DOK7: variants seen among roughly 807,000 people sequenced by gnomAD.
DOK7 encodes the protein protein Dok-7.
A neutral mutation model predicts 30.7 loss-of-function variants in DOK7; 32 were observed. The ratio of observed to expected loss-of-function variants is 1.04; its 90% confidence interval spans 0.79 to 1.40. DOK7 has a LOEUF of 1.40. Among genes scored for constraint, DOK7 ranks in the 40% most tolerant of loss-of-function variants. The pLI, the probability that DOK7 is intolerant of heterozygous loss-of-function variation, is 0.00. For missense variants in DOK7, 1,007 were observed against 699.2 expected, an observed-to-expected ratio of 1.44 and a Z score of -4.97; for synonymous variants, 447 against 324.1, an observed-to-expected ratio of 1.38 and a Z score of -4.07.
At chr4:3,500,794 A>G (rs1729150059) in exon 8 of DOK7, 1 of 1,533,378 alleles carries the variant, frequency 6.5e-7, no homozygotes. Flanking sequence ...CAGCTGTCGG[A>G]GCTGGAGCAG....
rs150890652 is a variant in DOK7, at chr4:3,489,374, G to A, written c.653-303G>A. On this transcript the variant is annotated intron_variant, in intron 5 of 6. Transcript: ENST00000340083. Reference sequence around the variant, plus strand: ...TTTGGAACAGAAAATTGAAAAACTCGGTGGTGAGGAAGATGAGGAAGGAGG... The same window carrying A: ...TTTGGAACAGAAAATTGAAAAACTCAGTGGTGAGGAAGATGAGGAAGGAGG... 8.6e-4 allele frequency among the ~76,000 whole-genome samples: 131 copies of A among 152,280 alleles called. 1 individual carries two copies. Among genetic ancestry groups the A allele is most frequent in the African/African-American group, 3.0e-3 (123 of 41,540 alleles).
chr4:3,464,170 G>A (rs144937839), intron 2 of DOK7, among the ~76,000 whole-genome samples: 1 of 152,188 alleles, frequency 6.6e-6, no homozygotes, highest in Admixed American at 6.5e-5. Context: ...GGGCTGAGCC[G>A]GGCCTGCAGC....
chr4:3,501,026 CG>C, exon 8 of DOK7: 1 of 797,606 alleles, frequency 1.3e-6, no homozygotes, highest in Admixed American at 3.2e-5. Context: ...CACAGGTGTC[CG>C]GGGCTGACCC....
At chr4:3,466,633 G>A (rs894271247) in intron 2 of DOK7, among the ~76,000 whole-genome samples, 2 of 152,318 alleles carry the variant, frequency 1.3e-5, no homozygotes, top group Admixed American at 1.3e-4. Context: ...CTCAGCCCCC[G>A]CGTCAGGACA....
chr4:3,473,332 C>T (rs1264521545), intron 2 of DOK7, 74 bp from the exon 3 acceptor site: 35 of 1,475,890 alleles, frequency 2.4e-5, no homozygotes, highest in Admixed American at 1.5e-4. Context: ...TGCACTGTCA[C>T]GGCCTCCCCG....
At chr4:3,500,857 G>A (rs995835257) in exon 8 of DOK7, 15 of 1,509,124 alleles carry the variant, frequency 9.9e-6, no homozygotes, top group Middle Eastern at 2.4e-4. Context: ...CCGCAAACCC[G>A]GTGCGCTGTG....
intron 4 of DOK7, among the ~76,000 whole-genome samples, chr4:3,477,743 G>C (rs1246854257): frequency 6.6e-6 from 1 of 151,896 alleles, no homozygotes; most frequent in Non-Finnish European, 1.5e-5. Context: ...GCCATAGCCA[G>C]AGTCCAAAGG....
Position 3,479,120 on chromosome 4 carries a change from C to T in DOK7, c.532+2578C>T, listed in dbSNP as rs1727290179. 1.3e-5 allele frequency among the ~76,000 whole-genome samples: 2 copies of T among 152,220 alleles called. 1 individual carries two copies. Among genetic ancestry groups the T allele is most frequent in the South Asian group, 4.1e-4 (2 of 4,834 alleles). On this transcript the variant is annotated intron_variant, in intron 4 of 6. Transcript: ENST00000340083. ...AGGGGTCCTCAGGGTTGGCTTTTTC[C>T]AAAAGCTCTTGGGGAGGACCCATGG... is the stretch of plus-strand genomic sequence containing the variant.
Position 3,476,151 on chromosome 4 carries a change from T to C in DOK7, c.332-191T>C, listed in dbSNP as rs556184219. ...TCTCATGATGCCCTCTCGCCCCGCC[T>C]GACCGTGATGCCCTCTCGCCCCGCC... On this transcript the variant is annotated intron_variant, in intron 3 of 6. Coordinates refer to ENST00000340083, the MANE Select transcript of DOK7 (RefSeq NM_173660.5). Among the ~76,000 whole-genome samples, 14,590 of 87,904 alleles carry C rather than the reference T, an allele frequency of 0.17. 1,416 individuals are homozygous for C. The highest frequency in any genetic ancestry group is 0.22 in the East Asian group (877 of 3,906). 57.7% of individuals were successfully genotyped at this position (87,904 alleles called of 152,430 possible). A position where few individuals can be genotyped will look rare whatever the true frequency, so the allele number is the denominator to read the frequency against.
rs1728773713 is a variant in DOK7, at chr4:3,494,380, G to C, written c.*879G>C. On this transcript the variant is annotated 3_prime_UTR_variant, in exon 7 of 7. Coordinates refer to ENST00000340083, the MANE Select transcript of DOK7 (RefSeq NM_173660.5). ...CAGCCTGGAGCCTGCCCTGACCACA[G>C]CCCAGCAGCTCCCTGTGAACACCTC... 1.0e-6 allele frequency: 1 copy of C among 985,486 alleles called. No homozygotes were observed. Among genetic ancestry groups the C allele is most frequent in the Non-Finnish European group, 1.2e-6 (1 of 830,026 alleles). The allele number at this position is 985,486 out of a possible 1,614,324, so 61.0% of individuals were successfully genotyped here. A position where few individuals can be genotyped will look rare whatever the true frequency, so the allele number is the denominator to read the frequency against.
chr4:3,489,766 C>G lies in DOK7; in HGVS notation c.742C>G (p.Leu248Val), dbSNP rs749064029. The G allele has an allele frequency of 6.4e-7, 1 of 1,573,108 alleles. No homozygotes were observed. Among genetic ancestry groups the G allele is most frequent in the South Asian group, 1.2e-5 (1 of 85,738 alleles). Residue 248 changes from leucine (L) to valine (V), a missense_variant, in exon 6 of 7, where the codon CTC (leucine) becomes GTC (valine). Coordinates refer to ENST00000340083, the MANE Select transcript of DOK7 (RefSeq NM_173660.5). ...ACAGCTGGAGAAGCGGCTGAGCCTC[C>G]TCTCACATGCGGGCAGGCCGGGCAG... ...TLQLEKRLSL[L>V]SHAGRPGSGG... is the part of the protein sequence containing the mutation.
exon 8 of DOK7, chr4:3,500,916 G>A (rs1729156079): frequency 7.0e-7 from 1 of 1,436,764 alleles, no homozygotes; most frequent in East Asian, 2.5e-5. Flanking sequence ...GGCGTGGTCT[G>A]GTCCCCAGGG....
intron 6 of DOK7, 83 bp from the exon 7 acceptor site, chr4:3,492,648 GGTGGGGCGAGACCAGAGAGTGCTGGCCT>G (rs1163959551): frequency 2.7e-6 from 4 of 1,475,754 alleles, no homozygotes; most frequent in Non-Finnish European, 1.8e-6. Context: ...GGCTGGAAGG[GGTGGGGCGAGACCAGAGAGTGCTGGCCT>G]GTGGGGGTCC....
Position 3,493,079 on chromosome 4 carries a change from G to A in DOK7, c.1093G>A (p.Ala365Thr). The change falls in exon 7 of 7, where the codon GCC (alanine) becomes ACC (threonine). Residue 365 changes from alanine to threonine, a missense_variant. By Grantham distance (58) the Ala-to-Thr change is moderately conservative. Coordinates refer to ENST00000340083, the MANE Select transcript of DOK7 (RefSeq NM_173660.5). Reference protein sequence around the residue: ...YAGSSLDVWRATDELGSLLSL... With the variant: ...YAGSSLDVWRTTDELGSLLSL... ...GGGCAGCAGCCTGGACGTGTGGCGG[G>A]CCACAGATGAACTGGGCTCACTGCT... 6 of 1,576,272 alleles carry A rather than the reference G, an allele frequency of 3.8e-6. No individual in the cohort carries two copies. Among genetic ancestry groups the A allele is most frequent in the Admixed American group, 1.8e-5 (1 of 55,390 alleles).
exon 8 of DOK7, chr4:3,500,829 C>T (rs1729151916): frequency 6.5e-7 from 1 of 1,528,786 alleles, no homozygotes; most frequent in Non-Finnish European, 8.7e-7. Context: ...GCAGTGAGGT[C>T]ACAGCGCCAG....
intron 4 of DOK7, among the ~76,000 whole-genome samples, chr4:3,482,588 A>G (rs1727498517): frequency 6.6e-6 from 1 of 152,218 alleles, no homozygotes; most frequent in Admixed American, 6.5e-5. Context: ...GCCTCTGGAG[A>G]AGGAGCGGCC....
intron 2 of DOK7, 109 bp downstream of exon 2, chr4:3,463,660 C>G: frequency 7.2e-7 from 1 of 1,391,932 alleles, no homozygotes; most frequent in Non-Finnish European, 9.8e-7. Context: ...GTCACCCCGC[C>G]GGGAAACCCG....
chr4:3,489,090 C>T (rs776467394), intron 5 of DOK7, among the ~76,000 whole-genome samples: 4 of 152,128 alleles, frequency 2.6e-5, no homozygotes, highest in South Asian at 2.1e-4. Flanking sequence ...ATAGAGAAGG[C>T]GAGGCTGGTG....
chr4:3,485,564 G>T lies in DOK7; in HGVS notation c.558G>T (p.Ser186=). The change falls in exon 5 of 7, where the codon TCG becomes TCT. Residue 186 remains serine (S), a synonymous_variant. Coordinates refer to ENST00000340083, the MANE Select transcript of DOK7 (RefSeq NM_173660.5). ...GYWAGVFFLS[S]AEGEQISFLF... The stretch of plus-strand genomic sequence containing the variant: ...GGGCTGGCGTCTTCTTCCTGTCCTC[G>T]GCCGAGGGGGAGCAGATCAGCTTCC... 6.9e-6 allele frequency: 11 copies of T among 1,605,372 alleles called. No homozygotes were observed. Among genetic ancestry groups the T allele is most frequent in the Non-Finnish European group, 9.4e-6 (11 of 1,175,476 alleles).
Sources: allele counts gnomAD v4.1 joint callset (sites outside exome capture counted in the v4.1 genomes callset), GRCh38; gene constraint gnomAD v4.1.1; transcripts MANE v1.5; gene names NCBI Gene and HGNC (gene_info 2026-07-23, HGNC 2026-07-21).